GLIS1: variants seen among roughly 807,000 people sequenced by gnomAD.
The protein encoded by GLIS1 is GLIS family zinc finger 1, also known as zinc finger protein GLIS1.
In GLIS1, 24 loss-of-function variants were observed where a neutral mutation model predicts 63.8. The ratio of observed to expected loss-of-function variants is 0.38; its 90% CI spans 0.27 to 0.53. The LOEUF (loss-of-function observed/expected upper bound fraction) is 0.53, where lower values mean the gene tolerates loss of function less well. GLIS1 is among the 20% of genes least tolerant of loss of function. GLIS1 has a pLI of 0.85. For synonymous variants in GLIS1, 450 were observed against 482.5 expected, an observed-to-expected ratio of 0.93 and a Z score of 0.88; for missense variants, 1,036 against 1,074.1, an observed-to-expected ratio of 0.96 and a Z score of 0.50.
Position 53,591,746 on chromosome 1 carries a change from T to C in GLIS1, c.1320+2362A>G, listed in dbSNP as rs115643788. ...CAGTCTGTACTTGGAAGCTGCTTGCTGGTATTATCATCACCACAATCCTAA... is the reference window on the plus strand; with the variant it reads ...CAGTCTGTACTTGGAAGCTGCTTGCCGGTATTATCATCACCACAATCCTAA... On this transcript the variant is annotated intron_variant, in intron 4 of 10. Coordinates refer to ENST00000628545, the MANE Select transcript of GLIS1 (RefSeq NM_001367484.1). Among the ~76,000 whole-genome samples, 1,183 of 152,318 alleles carry C rather than the reference T, an allele frequency of 7.8e-3. 23 individuals carry two copies. The highest frequency in any genetic ancestry group is 0.028 in the African/African-American group (1,148 of 41,554).
intron 2 of GLIS1, among the ~76,000 whole-genome samples, chr1:53,737,280 G>T (rs1213549000): frequency 6.6e-6 from 1 of 152,206 alleles, no homozygotes; most frequent in Non-Finnish European, 1.5e-5. Flanking sequence ...AAGTTAGGAC[G>T]TGACTAGGCT....
At chr1:53,675,170 A>G (rs4927026) in intron 2 of GLIS1, among the ~76,000 whole-genome samples, 24,512 of 152,156 alleles carry the variant, frequency 0.16, 2,210 homozygotes, top group Non-Finnish European at 0.21. Context: ...TAACTCCAGC[A>G]TCCTGAAATT....
At chr1:53,733,575 T>C (rs1465641565) in intron 2 of GLIS1, among the ~76,000 whole-genome samples, 1 of 152,224 alleles carries the variant, frequency 6.6e-6, no homozygotes, top group African/African-American at 2.4e-5. Flanking sequence ...AGAGGAATTC[T>C]AGCCGCCCGA....
intron 2 of GLIS1, among the ~76,000 whole-genome samples, chr1:53,654,120 C>G (rs1257620605): frequency 1.3e-5 from 2 of 152,244 alleles, no homozygotes; most frequent in African/African-American, 4.8e-5. Flanking sequence ...ATCACCTGCA[C>G]AGTTGAGCCT....
chr1:53,687,218 T>C (rs1646346741), intron 2 of GLIS1, among the ~76,000 whole-genome samples: 1 of 152,116 alleles, frequency 6.6e-6, no homozygotes, highest in African/African-American at 2.4e-5. Context: ...AAGGGGCCGC[T>C]TGCCTCTTGG....
chr1:53,562,790 G>A (rs759664170), intron 4 of GLIS1, among the ~76,000 whole-genome samples: 4 of 152,142 alleles, frequency 2.6e-5, no homozygotes, highest in East Asian at 1.9e-4. Context: ...CCAGATCTGC[G>A]GGAGACACGA....
intron 2 of GLIS1, among the ~76,000 whole-genome samples, chr1:53,716,356 A>G (rs2100538297): frequency 6.6e-6 from 1 of 152,268 alleles, no homozygotes. Flanking sequence ...TAGGCAAGGA[A>G]GGAAGTGAGG....
At chr1:53,603,704 A>T (rs538174951) in intron 2 of GLIS1, among the ~76,000 whole-genome samples, 1 of 152,330 alleles carries the variant, frequency 6.6e-6, no homozygotes, top group African/African-American at 2.4e-5. Context: ...CCCTAGAAAG[A>T]GGTTGGCACC....
intron 2 of GLIS1, among the ~76,000 whole-genome samples, chr1:53,700,609 CT>C (rs1258598229): frequency 1.3e-5 from 2 of 152,126 alleles, no homozygotes; most frequent in African/African-American, 4.8e-5. Context: ...TTTTGCTCTT[CT>C]TTTTAAATTT....
At chr1:53,665,181 G>A (rs888857914) in intron 2 of GLIS1, among the ~76,000 whole-genome samples, 1 of 152,128 alleles carries the variant, frequency 6.6e-6, no homozygotes, top group Non-Finnish European at 1.5e-5. Flanking sequence ...ACAAAAATGG[G>A]TCAGATTTGG....
At chr1:53,708,107 C>T (rs532261027) in intron 2 of GLIS1, among the ~76,000 whole-genome samples, 1 of 152,060 alleles carries the variant, frequency 6.6e-6, no homozygotes, top group South Asian at 2.1e-4. Context: ...ACGGTGAAAA[C>T]CTGTCTCTAT....
At chr1:53,514,599 G>A (rs771333306) in intron 8 of GLIS1, 26 bp downstream of exon 8, 1 of 1,606,024 alleles carries the variant, frequency 6.2e-7, no homozygotes, top group South Asian at 1.1e-5. Flanking sequence ...GTTGCCCCTG[G>A]AGGAGGACTG....
intron 2 of GLIS1, among the ~76,000 whole-genome samples, chr1:53,607,350 T>C (rs2950256): frequency 0.97 from 148,098 of 152,296 alleles, 72,139 homozygotes; most frequent in South Asian, 1. Context: ...AGTTCACTGC[T>C]GTCTTGACCT....
intron 2 of GLIS1, among the ~76,000 whole-genome samples, chr1:53,641,733 G>C (rs1158415423): frequency 6.6e-6 from 1 of 152,134 alleles, no homozygotes; most frequent in Non-Finnish European, 1.5e-5. Flanking sequence ...GGTGGTGGAG[G>C]GTGGTTTCTT....
At chr1:53,587,011 A>T (rs1645143035) in intron 4 of GLIS1, among the ~76,000 whole-genome samples, 1 of 152,214 alleles carries the variant, frequency 6.6e-6, no homozygotes, top group Admixed American at 6.5e-5. Flanking sequence ...GGAGGCACAG[A>T]GAAAGGGGGA....
At chr1:53,661,683 G>A (rs76811775) in intron 2 of GLIS1, among the ~76,000 whole-genome samples, 7,307 of 152,228 alleles carry the variant, frequency 0.048, 260 homozygotes, top group Non-Finnish European at 0.078. Flanking sequence ...GCAGCCACCC[G>A]AGACTCCTCC....
intron 2 of GLIS1, among the ~76,000 whole-genome samples, chr1:53,628,138 CCCTTGCTGTG>C (rs58550904): frequency 0.63 from 95,607 of 151,408 alleles, 32,136 homozygotes; most frequent in Middle Eastern, 0.79. Flanking sequence ...CCTTGCTGTG[CCCTTGCTGTG>C]CCTTGCTGTG....
intron 7 of GLIS1, among the ~76,000 whole-genome samples, chr1:53,519,969 C>T (rs1299651641): frequency 3.9e-5 from 6 of 152,196 alleles, no homozygotes; most frequent in African/African-American, 1.4e-4. Context: ...TGGGGCAGGG[C>T]CATGGGTTCC....
chr1:53,651,045 T>C (rs756133508), intron 2 of GLIS1, among the ~76,000 whole-genome samples: 21 of 152,234 alleles, frequency 1.4e-4, no homozygotes, highest in Non-Finnish European at 2.6e-4. Context: ...CTGAGCCGTT[T>C]AACAGTCCAG....
Sources: allele counts gnomAD v4.1 joint callset (sites outside exome capture counted in the v4.1 genomes callset), GRCh38; gene constraint gnomAD v4.1.1; transcripts MANE v1.5; gene names NCBI Gene and HGNC (gene_info 2026-07-23, HGNC 2026-07-21).